NKAIN2: variants seen among roughly 807,000 people sequenced by gnomAD.
NKAIN2 encodes the protein sodium/potassium-transporting ATPase subunit beta-1-interacting protein 2.
Under a neutral mutation model 32.6 loss-of-function variants are expected in NKAIN2, and 14 were observed. That is an observed-to-expected ratio of 0.43 (90% confidence interval 0.28 to 0.67). The LOEUF (loss-of-function observed/expected upper bound fraction) is 0.67. NKAIN2 is among the 30% of genes least tolerant of loss of function. NKAIN2 has a pLI of 0.17. For synonymous variants in NKAIN2, 80 were observed against 87.2 expected, an observed-to-expected ratio of 0.92 and a Z score of 0.46; for missense variants, 198 against 258.3, an observed-to-expected ratio of 0.77 and a Z score of 1.60.
At chr6:124,304,609 C>G (rs1337885782) in intron 2 of NKAIN2, among the ~76,000 whole-genome samples, 1 of 152,094 alleles carries the variant, frequency 6.6e-6, no homozygotes, top group Non-Finnish European at 1.5e-5. Context: ...CAGAGAGATC[C>G]ACTTCCTTAT....
intron 4 of NKAIN2, among the ~76,000 whole-genome samples, chr6:124,697,248 C>G (rs761517909): frequency 6.6e-6 from 1 of 152,012 alleles, no homozygotes; most frequent in Admixed American, 6.6e-5. Context: ...ATGAATATGA[C>G]AACAGTAGTG....
chr6:124,416,998 A>G (rs1416189528), intron 3 of NKAIN2, among the ~76,000 whole-genome samples: 3 of 152,174 alleles, frequency 2.0e-5, no homozygotes, highest in Non-Finnish European at 2.9e-5. Context: ...AGGCCTGCTG[A>G]AACCCACAAA....
chr6:124,210,905 C>A (rs1229513349), intron 1 of NKAIN2, among the ~76,000 whole-genome samples: 4 of 151,640 alleles, frequency 2.6e-5, no homozygotes, highest in Non-Finnish European at 5.9e-5. Flanking sequence ...ATTTGACTTC[C>A]TCCTTTCCAA....
intron 3 of NKAIN2, among the ~76,000 whole-genome samples, chr6:124,429,204 AT>A (rs34137588): frequency 0.17 from 24,616 of 141,514 alleles, 2,145 homozygotes; most frequent in East Asian, 0.27. Context: ...CTCCTGGCTA[AT>A]TTTTTTTTTT....
intron 1 of NKAIN2, among the ~76,000 whole-genome samples, chr6:123,986,839 C>G (rs570460143): frequency 6.6e-6 from 1 of 152,208 alleles, no homozygotes; most frequent in East Asian, 1.9e-4. Context: ...AGATTTGAGT[C>G]AAGAACTCAG....
At chr6:124,378,548 C>T (rs1299307864) in intron 3 of NKAIN2, among the ~76,000 whole-genome samples, 2 of 152,154 alleles carry the variant, frequency 1.3e-5, no homozygotes, top group East Asian at 3.9e-4. Context: ...CAGTGTATTC[C>T]ACAGTTATTC....
intron 1 of NKAIN2, among the ~76,000 whole-genome samples, chr6:124,054,355 T>C (rs1782550294): frequency 6.6e-6 from 1 of 152,060 alleles, no homozygotes; most frequent in South Asian, 2.1e-4. Flanking sequence ...AATGGTAGGA[T>C]ATATGCCTAA....
At chr6:123,819,142 T>C (rs1773819533) in intron 1 of NKAIN2, among the ~76,000 whole-genome samples, 1 of 152,158 alleles carries the variant, frequency 6.6e-6, no homozygotes, top group Non-Finnish European at 1.5e-5. Context: ...TCTTAGTATA[T>C]TGTTCTTCTG....
chr6:124,773,898 G>A (rs1237253031), intron 4 of NKAIN2, among the ~76,000 whole-genome samples: 2 of 152,150 alleles, frequency 1.3e-5, no homozygotes, highest in East Asian at 3.9e-4. Flanking sequence ...GCTGCCATGG[G>A]CTTCTATTTT....
intron 2 of NKAIN2, among the ~76,000 whole-genome samples, chr6:124,322,517 CTTATAG>C (rs1342058296): frequency 2.0e-5 from 3 of 152,154 alleles, no homozygotes; most frequent in African/African-American, 7.2e-5. Context: ...GTGCTACCAC[CTTATAG>C]TTATACCCAC....
intron 1 of NKAIN2, among the ~76,000 whole-genome samples, chr6:124,018,863 C>T (rs532506107): frequency 1.2e-4 from 19 of 152,268 alleles, no homozygotes; most frequent in African/African-American, 3.6e-4. Context: ...TACAGCAGTA[C>T]CCCTTTCTAC....
intron 3 of NKAIN2, among the ~76,000 whole-genome samples, chr6:124,508,252 G>C (rs1239423693): frequency 6.6e-6 from 1 of 151,632 alleles, no homozygotes; most frequent in African/African-American, 2.4e-5. Context: ...GTAAGATCCG[G>C]CCTCAAAAAA....
intron 4 of NKAIN2, among the ~76,000 whole-genome samples, chr6:124,733,924 A>G (rs1776808530): frequency 6.6e-6 from 1 of 151,736 alleles, no homozygotes; most frequent in Admixed American, 6.6e-5. Flanking sequence ...CAATGGGCAC[A>G]TCTAACACCC....
chr6:124,025,723 A>G (rs1376629268), intron 1 of NKAIN2, among the ~76,000 whole-genome samples: 1 of 152,186 alleles, frequency 6.6e-6, no homozygotes, highest in Non-Finnish European at 1.5e-5. Context: ...GAGGTGATGG[A>G]TATGTTAATT....
chr6:124,623,567 C>G (rs527388534), intron 3 of NKAIN2, among the ~76,000 whole-genome samples: 29 of 152,182 alleles, frequency 1.9e-4, no homozygotes, highest in Middle Eastern at 6.8e-3. Context: ...TTTGAAGATG[C>G]AAGCATAGTA....
At chr6:124,650,182 T>C (rs1784318700) in intron 3 of NKAIN2, among the ~76,000 whole-genome samples, 1 of 152,020 alleles carries the variant, frequency 6.6e-6, no homozygotes, top group African/African-American at 2.4e-5. Flanking sequence ...GTTACACAGA[T>C]TAGGAAGGAA....
intron 2 of NKAIN2, among the ~76,000 whole-genome samples, chr6:124,305,689 T>C (rs1014770284): frequency 1.3e-5 from 2 of 152,234 alleles, no homozygotes; most frequent in African/African-American, 4.8e-5. Flanking sequence ...ACTGCTGATC[T>C]TGATACTTCA....
At chr6:124,315,491 CAT>C (rs956882472) in intron 2 of NKAIN2, among the ~76,000 whole-genome samples, 185 of 152,216 alleles carry the variant, frequency 1.2e-3, no homozygotes, top group African/African-American at 4.3e-3. Flanking sequence ...AAGCAATTGA[CAT>C]GTGTAAAATT....
chr6:124,791,022 C>T (rs1779722010), intron 4 of NKAIN2, among the ~76,000 whole-genome samples: 1 of 152,070 alleles, frequency 6.6e-6, no homozygotes, highest in Non-Finnish European at 1.5e-5. Context: ...GGCACAAATG[C>T]AAATGTTAAT....
Sources: gnomAD v4.1 joint callset for allele counts (sites outside exome capture counted in the v4.1 genomes callset) on GRCh38, gnomAD v4.1.1 for gene constraint, MANE v1.5 for transcripts, NCBI Gene and HGNC (gene_info 2026-07-23, HGNC 2026-07-21) for gene names.